PAX5: variants seen among roughly 807,000 people sequenced by gnomAD.
The protein encoded by PAX5 is paired box 5, also known as paired box protein Pax-5.
Under a neutral mutation model 43.7 loss-of-function variants are expected in PAX5, and 9 were observed. The ratio of observed to expected loss-of-function variants is 0.21; its 90% CI spans 0.12 to 0.36. PAX5 has a LOEUF of 0.36. Among genes scored for constraint, PAX5 ranks in the 10% least tolerant of loss-of-function variants. PAX5 has a pLI of 1.00. For missense variants in PAX5, 383 were observed against 532.7 expected (o/e 0.72, Z 2.77); for synonymous variants, 228 against 214.3 (o/e 1.06, Z -0.56).
chr9:36,843,932 G>A (rs1416275441), intron 9 of PAX5, among the ~76,000 whole-genome samples: 1 of 152,244 alleles, frequency 6.6e-6, no homozygotes, highest in African/African-American at 2.4e-5. Flanking sequence ...CTGGCAGCAG[G>A]GCTGTTGATG....
chr9:36,965,466 C>G (rs370024841), intron 6 of PAX5, among the ~76,000 whole-genome samples: 2 of 152,342 alleles, frequency 1.3e-5, no homozygotes, highest in East Asian at 3.9e-4. Context: ...TGTAAGAGCT[C>G]TCATAGAAAC....
intron 1 of PAX5, among the ~76,000 whole-genome samples, chr9:37,026,039 C>T (rs1840323028): frequency 6.6e-6 from 1 of 152,224 alleles, no homozygotes; most frequent in African/African-American, 2.4e-5. Flanking sequence ...CCCCGGTGTC[C>T]TCGCTTAGCT....
At chr9:36,994,149 C>G (rs906031447) in intron 5 of PAX5, among the ~76,000 whole-genome samples, 1 of 152,232 alleles carries the variant, frequency 6.6e-6, no homozygotes, top group Non-Finnish European at 1.5e-5. Context: ...CAATTGGCCA[C>G]CTGGCCTCAG....
intron 7 of PAX5, among the ~76,000 whole-genome samples, chr9:36,912,465 C>G (rs1829375093): frequency 6.6e-6 from 1 of 152,216 alleles, no homozygotes; most frequent in Admixed American, 6.5e-5. Flanking sequence ...TCCCTGCTGA[C>G]ATTCTCAACT....
chr9:36,867,900 C>A (rs914100799), intron 8 of PAX5, among the ~76,000 whole-genome samples: 1 of 152,180 alleles, frequency 6.6e-6, no homozygotes, highest in African/African-American at 2.4e-5. Flanking sequence ...TCAGGGAGGA[C>A]ATCTGGGCTT....
Position 36,951,409 on chromosome 9 carries a change from G to A in PAX5, c.780+15140C>T, listed in dbSNP as rs113736062. ...ATTTAGAGACTCTGTTGCCAAGTGC[G>A]TACAGGTTCAGGATTGTTATATTTT... On this transcript the variant is annotated intron_variant, in intron 6 of 9. Transcript: ENST00000358127. 6.2e-3 allele frequency among the ~76,000 whole-genome samples: 941 copies of A among 152,282 alleles called. 3 individuals are homozygous for A. Among genetic ancestry groups the A allele is most frequent in the African/African-American group, 0.021 (886 of 41,562 alleles).
Position 36,923,611 on chromosome 9 carries a change from G to A in PAX5, c.781-127C>T, listed in dbSNP as rs116002069. On this transcript the variant is annotated intron_variant, in intron 6 of 9. Coordinates refer to ENST00000358127, the MANE Select transcript of PAX5 (RefSeq NM_016734.3). ...ATGCCTGTGCCAAGGCCCACAAGGG[G>A]CTCATGAACACTTCCAGTGTTGAAA... 9,757 of 1,038,978 alleles carry A rather than the reference G, an allele frequency of 9.4e-3. 253 individuals are homozygous for A. Among genetic ancestry groups the A allele is most frequent in the African/African-American group, 0.072 (4,509 of 63,036 alleles). The allele number at this position is 1,038,978 out of a possible 1,614,324, so 64.4% of individuals were successfully genotyped here.
intron 6 of PAX5, among the ~76,000 whole-genome samples, chr9:36,937,372 A>C (rs1012322999): frequency 6.6e-6 from 1 of 151,758 alleles, no homozygotes; most frequent in Admixed American, 6.6e-5. Context: ...CTGAAACACC[A>C]CTCTACACCC....
chr9:36,970,964 T>C (rs910772492), intron 5 of PAX5, among the ~76,000 whole-genome samples: 3 of 152,200 alleles, frequency 2.0e-5, no homozygotes, highest in African/African-American at 7.2e-5. Flanking sequence ...GTGGAATAAA[T>C]GAATGAATTG....
chr9:36,971,247 G>A (rs909261783), intron 5 of PAX5, among the ~76,000 whole-genome samples: 3 of 152,224 alleles, frequency 2.0e-5, no homozygotes, highest in Non-Finnish European at 4.4e-5. Flanking sequence ...CTGAAAAGGC[G>A]CATGGTCTTA....
rs542175088 is a variant in PAX5 at position 36,975,229 on chromosome 9, G to A, written c.605-8505C>T. Among the ~76,000 whole-genome samples the A allele has an allele frequency of 3.3e-5, 5 of 152,300 alleles. No individual in the cohort carries two copies. The South Asian group carries it at 1.0e-3, about 32-fold the overall frequency. On this transcript the variant is annotated intron_variant, in intron 5 of 9. Transcript: ENST00000358127. ...AATTTGCCCAAGATAACACAGCAGA[G>A]CACTTGCACAGCTCCTACATGTGCT...
At chr9:36,981,498 C>G (rs1299352920) in intron 5 of PAX5, among the ~76,000 whole-genome samples, 1 of 150,666 alleles carries the variant, frequency 6.6e-6, no homozygotes, top group East Asian at 2.0e-4. Flanking sequence ...GTGTGACCTC[C>G]TACTGGGAAA....
At chr9:36,865,857 T>C (rs1824820877) in intron 8 of PAX5, among the ~76,000 whole-genome samples, 2 of 152,206 alleles carry the variant, frequency 1.3e-5, no homozygotes, top group African/African-American at 4.8e-5. Flanking sequence ...AGCTCCCACC[T>C]CCTAGCAGTG....
intron 1 of PAX5, among the ~76,000 whole-genome samples, chr9:37,023,389 C>T (rs1840025024): frequency 6.6e-6 from 1 of 152,146 alleles, no homozygotes; most frequent in Non-Finnish European, 1.5e-5. Context: ...CCAGCCTGTA[C>T]TTCCTATGGA....
chr9:36,903,647 C>G (rs1383721842), intron 7 of PAX5, among the ~76,000 whole-genome samples: 1 of 152,210 alleles, frequency 6.6e-6, no homozygotes. Flanking sequence ...CCTGCTGTGT[C>G]TGCCCATCCA....
intron 8 of PAX5, among the ~76,000 whole-genome samples, chr9:36,880,626 G>A (rs892895961): frequency 3.9e-5 from 6 of 152,220 alleles, no homozygotes; most frequent in African/African-American, 1.2e-4. Flanking sequence ...GCAGTGGCAC[G>A]ATCTTGGCTC....
chr9:36,886,696 A>G (rs1237379210), intron 7 of PAX5, among the ~76,000 whole-genome samples: 2 of 152,284 alleles, frequency 1.3e-5, no homozygotes, highest in African/African-American at 4.8e-5. Context: ...TTAACCAAGG[A>G]AGAAATTATT....
In PAX5 at chr9:36,973,739, C is replaced by T. The variant is rs572695873; in HGVS notation, c.605-7015G>A. Among the ~76,000 whole-genome samples, 110 of 152,198 alleles carry T rather than the reference C, an allele frequency of 7.2e-4. 1 individual carries two copies. The highest frequency in any genetic ancestry group is 2.5e-3 in the African/African-American group (102 of 41,532). ...ATTTAAAAATGGCTGGGCATGGTGG[C>T]TCATGCCTGTAATCCCAGCAGTTTG... On this transcript the variant is annotated intron_variant, in intron 5 of 9. Coordinates refer to ENST00000358127, the MANE Select transcript of PAX5 (RefSeq NM_016734.3).
At chr9:36,918,049 T>G (rs968048681) in intron 7 of PAX5, among the ~76,000 whole-genome samples, 1 of 152,184 alleles carries the variant, frequency 6.6e-6, no homozygotes, top group Non-Finnish European at 1.5e-5. Flanking sequence ...TCTCTTCTTC[T>G]CCTAGGGCCT....
Sources: allele counts gnomAD v4.1 joint callset (sites outside exome capture counted in the v4.1 genomes callset), GRCh38; gene constraint gnomAD v4.1.1; transcripts MANE v1.5; gene names NCBI Gene and HGNC (gene_info 2026-07-23, HGNC 2026-07-21).